Variants in CUBN observed in about 807,000 individuals in gnomAD.
The protein encoded by CUBN is cubilin, also known as 460 kDa receptor.
In CUBN, 282 loss-of-function variants were observed where a neutral mutation model predicts 405.3. The ratio of observed to expected loss-of-function variants is 0.70; its 90% CI spans 0.63 to 0.77. The LOEUF is 0.77. Ranked by LOEUF, CUBN falls within the 30% of genes least tolerant of loss-of-function variation. The pLI is 0.00. For synonymous variants in CUBN, 1,684 were observed against 1,617.0 expected (o/e 1.04, Z -0.99); for missense variants, 4,514 against 4,475.2 (o/e 1.01, Z -0.25).
At chr10:17,105,654 T>A in intron 10 of CUBN, 79 bp from the exon 11 acceptor site, 1 of 807,986 alleles carries the variant, frequency 1.2e-6, no homozygotes, top group Non-Finnish European at 2.1e-6. Flanking sequence ...CAGAATCTGC[T>A]GTCTAGACAA....
intron 17 of CUBN, among the ~76,000 whole-genome samples, chr10:17,083,281 G>A (rs1836012553): frequency 6.6e-6 from 1 of 152,114 alleles, no homozygotes; most frequent in Non-Finnish European, 1.5e-5. Flanking sequence ...TGAGGCCGGA[G>A]GATCACCTGA....
rs1189695066 is a variant in CUBN, at chr10:16,963,187, C to CTTTTTTTTTTTTTTTTTTTTTTT, written c.4696-8640_4696-8639insAAAAAAAAAAAAAAAAAAAAAAA. 5.1e-4 allele frequency among the ~76,000 whole-genome samples: 43 copies of CTTTTTTTTTTTTTTTTTTTTTTT among 84,380 alleles called. 5 individuals carry two copies. Among genetic ancestry groups the CTTTTTTTTTTTTTTTTTTTTTTT allele is most frequent in the Admixed American group, 9.7e-4 (7 of 7,208 alleles). 55.4% of individuals were successfully genotyped at this position (84,380 alleles called of 152,430 possible). On this transcript the variant is annotated intron_variant, in intron 31 of 66. Coordinates refer to ENST00000377833, the MANE Select transcript of CUBN (RefSeq NM_001081.4). ...ATACATTTCTTTTTTCTTTTCTTTT[C>CTTTTTTTTTTTTTTTTTTTTTTT]TTTTTTTTCTTTTTTTTTTTTTTTT...
chr10:17,000,838 T>C (rs986746578), intron 28 of CUBN, among the ~76,000 whole-genome samples: 5 of 152,228 alleles, frequency 3.3e-5, no homozygotes, highest in African/African-American at 1.2e-4. Context: ...GGAATGATAA[T>C]GCTCATTTAA....
chr10:16,950,301 A>G (rs1366374816), intron 33 of CUBN, among the ~76,000 whole-genome samples, 190 bp from the exon 34 acceptor site: 1 of 152,164 alleles, frequency 6.6e-6, no homozygotes, highest in East Asian at 1.9e-4. Flanking sequence ...AAATAATTAA[A>G]AGAGTAGAAT....
chr10:17,061,091 A>C (rs1486076913), intron 22 of CUBN, among the ~76,000 whole-genome samples: 1 of 151,938 alleles, frequency 6.6e-6, no homozygotes, highest in Non-Finnish European at 1.5e-5. Flanking sequence ...AACAAAAAAA[A>C]CCCAAAAACA....
intron 28 of CUBN, among the ~76,000 whole-genome samples, chr10:17,011,439 G>A (rs182757254): frequency 1.2e-4 from 18 of 152,134 alleles, no homozygotes; most frequent in East Asian, 5.8e-4. Flanking sequence ...TGTTCCTCCC[G>A]GTGGGTTCGT....
chr10:17,000,691 C>T (rs935845487), intron 28 of CUBN, among the ~76,000 whole-genome samples: 9 of 152,232 alleles, frequency 5.9e-5, no homozygotes, highest in African/African-American at 2.2e-4. Flanking sequence ...CATCGTGCTA[C>T]TTATTGCACG....
intron 60 of CUBN, among the ~76,000 whole-genome samples, chr10:16,844,844 G>A (rs993791937): frequency 2.0e-5 from 3 of 152,028 alleles, no homozygotes; most frequent in Non-Finnish European, 4.4e-5. Context: ...TGATGAGGAG[G>A]GGGAATCATA....
intron 56 of CUBN, among the ~76,000 whole-genome samples, chr10:16,887,770 T>C (rs927859595): frequency 6.6e-6 from 1 of 152,204 alleles, no homozygotes; most frequent in African/African-American, 2.4e-5. Context: ...AGATTATCTA[T>C]ACTGTCGTGT....
chr10:16,993,305 A>T (rs1027263623), intron 28 of CUBN, among the ~76,000 whole-genome samples: 7 of 152,252 alleles, frequency 4.6e-5, no homozygotes, highest in Admixed American at 1.3e-4. Flanking sequence ...GCATTCGTTC[A>T]TCAGCCAATC....
intron 22 of CUBN, among the ~76,000 whole-genome samples, chr10:17,061,139 G>A (rs962816235): frequency 1.3e-5 from 2 of 151,992 alleles, no homozygotes; most frequent in Non-Finnish European, 2.9e-5. Flanking sequence ...TCAAGGCTGA[G>A]AGTAGGACCA....
chr10:16,886,504 G>T (rs1313875321), intron 56 of CUBN, among the ~76,000 whole-genome samples: 1 of 152,150 alleles, frequency 6.6e-6, no homozygotes, highest in Non-Finnish European at 1.5e-5. Context: ...GGTTATGAGT[G>T]GTTGAAAATA....
chr10:16,845,899 G>A (rs1342961556), intron 60 of CUBN, among the ~76,000 whole-genome samples: 1 of 152,174 alleles, frequency 6.6e-6, no homozygotes, highest in African/African-American at 2.4e-5. Context: ...TTGCACAAGT[G>A]TGGTGGTTTT....
chr10:17,038,475 T>C (rs1396848796), intron 27 of CUBN, among the ~76,000 whole-genome samples: 2 of 152,330 alleles, frequency 1.3e-5, no homozygotes, highest in South Asian at 2.1e-4. Context: ...ATGCATTTGG[T>C]TTCCAATGGG....
At chr10:17,120,750 G>A (rs566585038) in intron 6 of CUBN, among the ~76,000 whole-genome samples, 1 of 152,196 alleles carries the variant, frequency 6.6e-6, no homozygotes. Flanking sequence ...AAGAAATAAC[G>A]TGCTGAAAAC....
At chr10:16,894,373 G>A (rs1293701052) in intron 54 of CUBN, among the ~76,000 whole-genome samples, 1 of 151,744 alleles carries the variant, frequency 6.6e-6, no homozygotes, top group African/African-American at 2.4e-5. Context: ...TTTTGAGTGA[G>A]GTTTTCTACA....
chr10:16,901,036 A>G (rs1841347686), intron 52 of CUBN, among the ~76,000 whole-genome samples, 186 bp from the exon 53 acceptor site: 1 of 152,094 alleles, frequency 6.6e-6, no homozygotes, highest in South Asian at 2.1e-4. Flanking sequence ...TTGAGAAAAG[A>G]CATTTCCCTG....
At chr10:16,828,455 C>A (rs1197050261) in intron 66 of CUBN, among the ~76,000 whole-genome samples, 1 of 152,180 alleles carries the variant, frequency 6.6e-6, no homozygotes, top group Non-Finnish European at 1.5e-5. Flanking sequence ...CAGTGGCTCA[C>A]GCGTGTAATC....
At chr10:17,111,849 G>A (rs529712397) in intron 8 of CUBN, among the ~76,000 whole-genome samples, 76 of 152,326 alleles carry the variant, frequency 5.0e-4, no homozygotes, top group African/African-American at 1.2e-3. Context: ...CCTCAAACCC[G>A]GGAGGTGGAG....
Sources: gnomAD v4.1 joint callset for allele counts (sites outside exome capture counted in the v4.1 genomes callset) on GRCh38, gnomAD v4.1.1 for gene constraint, MANE v1.5 for transcripts, NCBI Gene and HGNC (gene_info 2026-07-23, HGNC 2026-07-21) for gene names.